HECTD2: variants seen among roughly 807,000 people sequenced by gnomAD.
HECTD2 encodes probable E3 ubiquitin-protein ligase HECTD2.
A neutral mutation model predicts 103.2 loss-of-function variants in HECTD2; 35 were observed. That is an observed-to-expected ratio of 0.34 (90% confidence interval 0.26 to 0.45). The LOEUF is 0.45. HECTD2 is among the 20% of genes least tolerant of loss of function. HECTD2 has a pLI of 1.00. For synonymous variants in HECTD2, 281 were observed against 329.9 expected, an observed-to-expected ratio of 0.85 and a Z score of 1.61; for missense variants, 596 against 937.4, an observed-to-expected ratio of 0.64 and a Z score of 4.76.
intron 2 of HECTD2, among the ~76,000 whole-genome samples, chr10:91,445,670 T>G (rs922026967): frequency 4.6e-5 from 7 of 152,014 alleles, no homozygotes; most frequent in African/African-American, 1.7e-4. Context: ...TTTCTGCATT[T>G]CCAACTGAGG....
chr10:91,439,647 C>A (rs1365212524), intron 2 of HECTD2, among the ~76,000 whole-genome samples: 2 of 152,096 alleles, frequency 1.3e-5, no homozygotes, highest in African/African-American at 2.4e-5. Context: ...ATGGGGATAG[C>A]ATTGAATCTA....
At chr10:91,473,656 A>G (rs561012740) in intron 5 of HECTD2, among the ~76,000 whole-genome samples, 65 of 152,300 alleles carry the variant, frequency 4.3e-4, no homozygotes, top group Non-Finnish European at 8.2e-4. Context: ...ACTTAATGTG[A>G]AGATAAAGAG....
At chr10:91,450,565 A>G (rs1844768113) in intron 2 of HECTD2, among the ~76,000 whole-genome samples, 1 of 152,194 alleles carries the variant, frequency 6.6e-6, no homozygotes, top group African/African-American at 2.4e-5. Context: ...CAGTAAAAGA[A>G]ACTATCATCA....
intron 1 of HECTD2, among the ~76,000 whole-genome samples, chr10:91,418,680 A>G (rs61346715): frequency 0.095 from 14,468 of 152,004 alleles, 1,448 homozygotes; most frequent in African/African-American, 0.25. Flanking sequence ...AAAAAAAACC[A>G]TACAAAAAGA....
chr10:91,483,634 C>T (rs1032986781), intron 8 of HECTD2, among the ~76,000 whole-genome samples: 1 of 151,794 alleles, frequency 6.6e-6, no homozygotes, highest in East Asian at 1.9e-4. Context: ...ATTTTAAATG[C>T]AGTAAATTAT....
rs762567056 is a variant in HECTD2, at chr10:91,431,058, CTT to C, written c.268+5651_268+5652del. ...ATGTTTAGTGCTTCCTTCAGGAGCTCTTTTAGGGCAGGCCTGGTGGTGACAAA... is the reference window on the plus strand; with the variant it reads ...ATGTTTAGTGCTTCCTTCAGGAGCTCTTAGGGCAGGCCTGGTGGTGACAAA... On this transcript the variant is annotated intron_variant, in intron 2 of 20. Coordinates refer to ENST00000298068, the MANE Select transcript of HECTD2 (RefSeq NM_182765.6). Among the ~76,000 whole-genome samples the C allele has an allele frequency of 2.5e-3, 372 of 151,220 alleles. 3 individuals are homozygous for C. The highest frequency in any genetic ancestry group is 4.2e-3 in the Non-Finnish European group (286 of 67,930).
chr10:91,458,933 G>GA (rs1351817877), intron 2 of HECTD2, among the ~76,000 whole-genome samples: 1 of 151,976 alleles, frequency 6.6e-6, no homozygotes, highest in Non-Finnish European at 1.5e-5. Context: ...TGCAGAGGAT[G>GA]AAAAGACAGG....
At chr10:91,457,346 T>A (rs1034149495) in intron 2 of HECTD2, among the ~76,000 whole-genome samples, 1 of 151,852 alleles carries the variant, frequency 6.6e-6, no homozygotes, top group African/African-American at 2.4e-5. Flanking sequence ...CAGAGAAAGA[T>A]AGTTTAAAAA....
At chr10:91,485,094 T>A in intron 9 of HECTD2, 86 bp from the exon 10 acceptor site, 1 of 917,986 alleles carries the variant, frequency 1.1e-6, no homozygotes, top group Non-Finnish European at 1.6e-6. Flanking sequence ...AAGGCTGTCT[T>A]GTAGACATTA....
At chr10:91,433,079 G>T (rs1843961452) in intron 2 of HECTD2, among the ~76,000 whole-genome samples, 1 of 151,862 alleles carries the variant, frequency 6.6e-6, no homozygotes, top group African/African-American at 2.4e-5. Context: ...GTATTTTCAA[G>T]GCCCAAATAA....
intron 20 of HECTD2, among the ~76,000 whole-genome samples, chr10:91,506,284 T>C (rs1409981479): frequency 1.3e-5 from 2 of 152,040 alleles, no homozygotes; most frequent in East Asian, 3.9e-4. Context: ...AGAGCAGAAC[T>C]GAAGGAAATA....
At chr10:91,444,070 C>G (rs984111567) in intron 2 of HECTD2, among the ~76,000 whole-genome samples, 4 of 152,090 alleles carry the variant, frequency 2.6e-5, no homozygotes, top group African/African-American at 9.7e-5. Context: ...CAACACCAGT[C>G]TTATTACTAT....
At chr10:91,437,647 TG>T (rs1288900937) in intron 2 of HECTD2, among the ~76,000 whole-genome samples, 5 of 150,926 alleles carry the variant, frequency 3.3e-5, no homozygotes, top group Non-Finnish European at 5.9e-5. Context: ...TTGGTTGTTT[TG>T]TTTTTTTTGT....
chr10:91,438,144 T>G (rs1589480762), intron 2 of HECTD2, among the ~76,000 whole-genome samples: 1 of 151,872 alleles, frequency 6.6e-6, no homozygotes, highest in South Asian at 2.1e-4. Flanking sequence ...CAAGTTTGTT[T>G]CATAGGTATA....
chr10:91,494,688 C>T (rs897550085), intron 14 of HECTD2, among the ~76,000 whole-genome samples: 8 of 151,954 alleles, frequency 5.3e-5, no homozygotes, highest in African/African-American at 1.4e-4. Context: ...AAATGAATAA[C>T]GCTTAACAAT....
rs1254585411 is a variant in HECTD2, at chr10:91,498,149, C to T, written c.1722C>T (p.Gly574=). 3.1e-6 allele frequency: 5 copies of T among 1,611,372 alleles called. No individual in the cohort carries two copies. The highest frequency in any genetic ancestry group is 8.5e-7 in the Non-Finnish European group (1 of 1,177,836). Residue 574 remains glycine, a synonymous_variant, in exon 16 of 21, where the codon GGC becomes GGT. Coordinates refer to ENST00000298068, the MANE Select transcript of HECTD2 (RefSeq NM_182765.6). Reference sequence around the variant, plus strand: ...TAAGTGAACTCTTATCACATGAAGGCAATGTTGAAGAAGATTTCTATTCAA... The same window carrying T: ...TAAGTGAACTCTTATCACATGAAGGTAATGTTGAAGAAGATTTCTATTCAA... The part of the protein sequence containing the change: ...HGLSELLSHE[G]NVEEDFYSTF...
At chr10:91,424,579 G>A (rs1006316388) in intron 1 of HECTD2, among the ~76,000 whole-genome samples, 1 of 152,114 alleles carries the variant, frequency 6.6e-6, no homozygotes, top group African/African-American at 2.4e-5. Flanking sequence ...CAAAGTATGT[G>A]TGAAGATTTT....
intron 15 of HECTD2, among the ~76,000 whole-genome samples, chr10:91,497,045 C>T (rs1364331718): frequency 1.3e-5 from 2 of 150,810 alleles, no homozygotes; most frequent in African/African-American, 2.4e-5. Context: ...CTGCAACCTC[C>T]GCCTCCTGGG....
intron 5 of HECTD2, among the ~76,000 whole-genome samples, chr10:91,476,105 G>A (rs78002787): frequency 0.075 from 11,462 of 152,200 alleles, 812 homozygotes; most frequent in African/African-American, 0.19. Context: ...GTTAGTCTGC[G>A]TTGTTATACT....
Sources: allele counts gnomAD v4.1 joint callset (sites outside exome capture counted in the v4.1 genomes callset), GRCh38; gene constraint gnomAD v4.1.1; transcripts MANE v1.5; gene names NCBI Gene and HGNC (gene_info 2026-07-23, HGNC 2026-07-21).